Variants in KCNH5 observed in about 807,000 individuals in gnomAD.
KCNH5 encodes voltage-gated delayed rectifier potassium channel KCNH5.
Under a neutral mutation model 96.1 loss-of-function variants are expected in KCNH5, and 46 were observed. The observed-to-expected ratio is 0.48, with a 90% CI of 0.38 to 0.61. The LOEUF (loss-of-function observed/expected upper bound fraction) is 0.61. Among genes scored for constraint, KCNH5 ranks in the 20% least tolerant of loss-of-function variants. The probability of loss-of-function intolerance (pLI) is 0.00; values close to 1 mark genes in which losing one functional copy is unlikely to be tolerated. For missense variants in KCNH5, 907 were observed against 1,225.8 expected (o/e 0.74, Z 3.88); for synonymous variants, 439 against 449.8 (o/e 0.98, Z 0.30).
intron 6 of KCNH5, among the ~76,000 whole-genome samples, chr14:62,952,777 A>G (rs1890031311): frequency 6.6e-6 from 1 of 152,248 alleles, no homozygotes; most frequent in Non-Finnish European, 1.5e-5. Flanking sequence ...GACCTACTAG[A>G]ATGAGGTCCA....
chr14:62,977,921 A>T (rs1160139674), intron 6 of KCNH5, among the ~76,000 whole-genome samples: 2 of 152,234 alleles, frequency 1.3e-5, no homozygotes, highest in Non-Finnish European at 2.9e-5. Flanking sequence ...GGTAGGAAGA[A>T]AAAGCTTACA....
intron 7 of KCNH5, among the ~76,000 whole-genome samples, chr14:62,897,958 G>A (rs1000015333): frequency 2.0e-5 from 3 of 152,100 alleles, no homozygotes; most frequent in Non-Finnish European, 4.4e-5. Context: ...TTTTAATTTG[G>A]ATGTGAAAAT....
intron 6 of KCNH5, among the ~76,000 whole-genome samples, chr14:62,964,763 T>C (rs928025185): frequency 6.6e-6 from 1 of 152,130 alleles, no homozygotes; most frequent in Non-Finnish European, 1.5e-5. Flanking sequence ...TCAAGAAAGA[T>C]AGTGCCTCTA....
chr14:62,943,549 A>T (rs1290519545), intron 7 of KCNH5, among the ~76,000 whole-genome samples: 1 of 152,212 alleles, frequency 6.6e-6, no homozygotes, highest in Non-Finnish European at 1.5e-5. Context: ...TAGCAAGGAG[A>T]TTACTTACAT....
Position 62,938,572 on chromosome 14 carries a change from C to T in KCNH5, c.1369+11561G>A, listed in dbSNP as rs146911175. Among the ~76,000 whole-genome samples, 292 of 152,232 alleles carry T rather than the reference C, an allele frequency of 1.9e-3. 5 individuals are homozygous for T. Among genetic ancestry groups the T allele is most frequent in the Non-Finnish European group, 2.1e-3 (141 of 68,002 alleles). ...TTCATCTATGAATTTGTGAGTCTTTCGGCCTGTGAAAAAACATTTAAGTAT... is the reference window on the plus strand; with the variant it reads ...TTCATCTATGAATTTGTGAGTCTTTTGGCCTGTGAAAAAACATTTAAGTAT... On this transcript the variant is annotated intron_variant, in intron 7 of 10. Transcript: ENST00000322893.
At position 62,849,821 on chromosome 14, in the gene KCNH5, A is replaced by G. The variant is rs1245184880; in HGVS notation, c.1401T>C (p.Val467=). The change falls in exon 8 of 11, where the codon GTT becomes GTC. Residue 467 remains valine (V), a synonymous_variant. Coordinates refer to ENST00000322893, the MANE Select transcript of KCNH5 (RefSeq NM_139318.5). ...CATACATTTGCTGGAAAATTGTTGT[A>G]ACATTTCCAAAAATAGTTGCATAAA... ...SLLYATIFGN[V]TTIFQQMYAN... is the part of the protein sequence containing the mutation. 1 of 1,613,662 alleles carries G rather than the reference A, an allele frequency of 6.2e-7. No homozygotes were observed. Among genetic ancestry groups the G allele is most frequent in the Non-Finnish European group, 8.5e-7 (1 of 1,179,610 alleles).
chr14:62,806,398 C>T (rs888611977), intron 8 of KCNH5, among the ~76,000 whole-genome samples: 3 of 152,062 alleles, frequency 2.0e-5, no homozygotes, highest in East Asian at 3.9e-4. Flanking sequence ...GGGTCTGGAT[C>T]GGGACCTCTT....
chr14:62,983,344 C>T (rs1433919357), intron 5 of KCNH5, among the ~76,000 whole-genome samples: 2 of 150,606 alleles, frequency 1.3e-5, no homozygotes, highest in Non-Finnish European at 2.9e-5. Context: ...ACTCACTGCA[C>T]TCCAGCCTGG....
intron 10 of KCNH5, among the ~76,000 whole-genome samples, chr14:62,729,898 G>T (rs1885014126): frequency 6.6e-6 from 1 of 152,118 alleles, no homozygotes; most frequent in Admixed American, 6.5e-5. Flanking sequence ...GAGAGGCCCT[G>T]GGTCCCTGAA....
chr14:62,759,397 T>G (rs527304420), intron 10 of KCNH5, among the ~76,000 whole-genome samples: 7 of 152,044 alleles, frequency 4.6e-5, no homozygotes, highest in Non-Finnish European at 8.8e-5. Context: ...GTGGCATCAA[T>G]TATGAATTTA....
intron 6 of KCNH5, 58 bp downstream of exon 6, chr14:62,980,814 C>T (rs1293200325): frequency 2.6e-6 from 4 of 1,546,612 alleles, no homozygotes; most frequent in Non-Finnish European, 3.5e-6. Flanking sequence ...TCCATTTATC[C>T]TGATGTTTTC....
At chr14:63,039,077 T>C (rs1327987916) in intron 1 of KCNH5, among the ~76,000 whole-genome samples, 2 of 152,118 alleles carry the variant, frequency 1.3e-5, no homozygotes, top group African/African-American at 2.4e-5. Flanking sequence ...TCACAACACG[T>C]CTCTTGTATT....
chr14:62,828,460 A>G (rs1887270445), intron 8 of KCNH5, among the ~76,000 whole-genome samples: 1 of 152,180 alleles, frequency 6.6e-6, no homozygotes, highest in Admixed American at 6.5e-5. Flanking sequence ...ACAGTTGCAC[A>G]TGACTGGGAA....
chr14:62,910,317 G>T (rs769452413), intron 7 of KCNH5, among the ~76,000 whole-genome samples: 11 of 152,004 alleles, frequency 7.2e-5, no homozygotes, highest in Non-Finnish European at 1.3e-4. Flanking sequence ...TTAGAGAAAG[G>T]AAAACAGATG....
chr14:62,848,203 C>G (rs1887736288), intron 8 of KCNH5, among the ~76,000 whole-genome samples: 2 of 152,204 alleles, frequency 1.3e-5, no homozygotes, highest in Admixed American at 1.3e-4. Flanking sequence ...CGGTGGTTGC[C>G]TCTTGATCTG....
At chr14:62,909,032 ATTTTTTTTTTTTTT>A (rs58920666) in intron 7 of KCNH5, among the ~76,000 whole-genome samples, 2 of 57,894 alleles carry the variant, frequency 3.5e-5, no homozygotes, top group Non-Finnish European at 5.9e-5. Context: ...TATGCTACGT[ATTTTTTTTTTTTTT>A]TTTTTTTTTT....
rs1884397231 is a variant in KCNH5 at position 62,704,624 on chromosome 14, TAA to T, written c.*2882_*2883del. 6.6e-6 allele frequency: 1 copy of T among 151,922 alleles called. No individual in the cohort carries two copies. The highest frequency in any genetic ancestry group is 2.4e-5 in the African/African-American group (1 of 41,430). The allele number at this position is 151,922 out of a possible 1,614,324, so 9.4% of individuals were successfully genotyped here. On this transcript the variant is annotated 3_prime_UTR_variant, in exon 11 of 11. Transcript: ENST00000322893. ...ATCATAGAAAAATATTGAAGGTGTG[TAA>T]ATTGCTTTGGAAAATGTTTGGATTT...
chr14:62,856,964 T>G (rs1887942305), intron 7 of KCNH5, among the ~76,000 whole-genome samples: 1 of 152,154 alleles, frequency 6.6e-6, no homozygotes, highest in African/African-American at 2.4e-5. Context: ...GTGAGTTGAC[T>G]GAATCACTAT....
At chr14:62,780,245 G>C (rs1443780677) in intron 9 of KCNH5, among the ~76,000 whole-genome samples, 1 of 152,170 alleles carries the variant, frequency 6.6e-6, no homozygotes, top group African/African-American at 2.4e-5. Flanking sequence ...AAGGAGCAAA[G>C]GTGACTTCTT....
Sources: gnomAD v4.1 joint callset for allele counts (sites outside exome capture counted in the v4.1 genomes callset) on GRCh38, gnomAD v4.1.1 for gene constraint, MANE v1.5 for transcripts, NCBI Gene and HGNC (gene_info 2026-07-23, HGNC 2026-07-21) for gene names.